The following KCNN2 variants were observed in gnomAD, a reference collection of about 807,000 sequenced individuals.
KCNN2 encodes the protein potassium calcium-activated channel subfamily N member 2.
A neutral mutation model predicts 55.5 loss-of-function variants in KCNN2; 24 were observed. The observed-to-expected ratio is 0.43, with a 90% CI of 0.31 to 0.61. The LOEUF is 0.61. Among genes scored for constraint, KCNN2 ranks in the 20% least tolerant of loss-of-function variants. The probability of loss-of-function intolerance (pLI) is 0.08; values close to 1 mark genes in which losing one functional copy is unlikely to be tolerated. For missense variants in KCNN2, 754 were observed against 853.6 expected, an observed-to-expected ratio of 0.88 and a Z score of 1.45; for synonymous variants, 431 against 336.1, an observed-to-expected ratio of 1.28 and a Z score of -3.09.
intron 5 of KCNN2, among the ~76,000 whole-genome samples, chr5:114,478,142 G>A (rs1580901641): frequency 6.6e-6 from 1 of 152,274 alleles, no homozygotes; most frequent in African/African-American, 2.4e-5. Flanking sequence ...CTGCAAGGGT[G>A]GTTGAGAGCA....
chr5:114,145,260 A>G (rs1580554699), intron 1 of KCNN2, among the ~76,000 whole-genome samples: 3 of 152,250 alleles, frequency 2.0e-5, no homozygotes, highest in East Asian at 3.9e-4. Context: ...ATCATTAGTA[A>G]TATGACCTTT....
chr5:114,229,817 A>G (rs1754319690), intron 2 of KCNN2, among the ~76,000 whole-genome samples: 1 of 152,204 alleles, frequency 6.6e-6, no homozygotes, highest in South Asian at 2.1e-4. Flanking sequence ...TGAAAATGGG[A>G]CAAAGAGAAA....
chr5:114,112,868 G>A (rs1751629555), intron 1 of KCNN2, among the ~76,000 whole-genome samples: 1 of 151,992 alleles, frequency 6.6e-6, no homozygotes, highest in African/African-American at 2.4e-5. Context: ...CATGCTAATG[G>A]GATCTTTTTG....
chr5:114,480,130 A>G (rs977140079), intron 5 of KCNN2, among the ~76,000 whole-genome samples: 1 of 152,158 alleles, frequency 6.6e-6, no homozygotes, highest in Non-Finnish European at 1.5e-5. Flanking sequence ...TAGATAGACA[A>G]AGAAGAAAAG....
In KCNN2 at chr5:114,201,995, A is replaced by T. The variant is rs1753681757; in HGVS notation, c.-270-19485A>T. On this transcript the variant is annotated intron_variant, in intron 1 of 10. Transcript: ENST00000512097. ...GCAGCATGGGCAAGAAGCTGTGGGG[A>T]GTGTGATGCTCATGTCTCAGTCTCA... Among the ~76,000 whole-genome samples, 3 of 152,056 alleles carry T rather than the reference A, an allele frequency of 2.0e-5. 1 individual carries two copies. In the South Asian group the frequency reaches 6.2e-4, roughly 32 times the overall value.
At chr5:114,187,506 CT>C (rs34325633) in intron 1 of KCNN2, among the ~76,000 whole-genome samples, 34,630 of 126,058 alleles carry the variant, frequency 0.27, 4,200 homozygotes, top group East Asian at 0.67. Context: ...GTATCTCTGG[CT>C]TTTTTTTTTT....
chr5:114,488,540 TAACCCAG>T (rs748358233), intron 6 of KCNN2, among the ~76,000 whole-genome samples: 5 of 152,174 alleles, frequency 3.3e-5, no homozygotes, highest in Non-Finnish European at 7.4e-5. Flanking sequence ...GTTACCCTTA[TAACCCAG>T]AACCACCATC....
intron 2 of KCNN2, among the ~76,000 whole-genome samples, chr5:114,393,008 T>C (rs1301441455): frequency 1.3e-5 from 2 of 152,098 alleles, no homozygotes; most frequent in African/African-American, 4.8e-5. Context: ...AAGCACCATA[T>C]ACTGTTCCAT....
intron 2 of KCNN2, among the ~76,000 whole-genome samples, chr5:114,262,395 A>G (rs1168089769): frequency 2.6e-5 from 4 of 152,316 alleles, no homozygotes; most frequent in African/African-American, 9.6e-5. Context: ...AATCGCAGTT[A>G]AAACACAAGA....
intron 1 of KCNN2, among the ~76,000 whole-genome samples, chr5:114,200,155 T>C (rs1753643436): frequency 6.6e-6 from 1 of 152,172 alleles, no homozygotes; most frequent in South Asian, 2.1e-4. Context: ...TTGGTCACTT[T>C]ATGTAGTCCC....
At chr5:114,107,269 A>C (rs1379875735) in intron 1 of KCNN2, among the ~76,000 whole-genome samples, 1 of 150,596 alleles carries the variant, frequency 6.6e-6, no homozygotes, top group African/African-American at 2.4e-5. Context: ...TTTTTGAGCC[A>C]GTACCATAGT....
At chr5:114,266,578 G>T (rs1755210839) in intron 2 of KCNN2, among the ~76,000 whole-genome samples, 1 of 152,090 alleles carries the variant, frequency 6.6e-6, no homozygotes. Flanking sequence ...GGGCAGCCCT[G>T]CTCCTAGCTA....
At chr5:114,084,670 G>T (rs1350969840) in intron 1 of KCNN2, among the ~76,000 whole-genome samples, 1 of 151,838 alleles carries the variant, frequency 6.6e-6, no homozygotes, top group Non-Finnish European at 1.5e-5. Flanking sequence ...TAATTTTAAT[G>T]AAGTGCTACT....
intron 2 of KCNN2, among the ~76,000 whole-genome samples, chr5:114,273,845 T>C (rs1480624038): frequency 6.6e-6 from 1 of 152,244 alleles, no homozygotes; most frequent in Non-Finnish European, 1.5e-5. Flanking sequence ...AGAAGCTCTT[T>C]AGATTAATTA....
At chr5:114,363,442 A>AC (rs1457431526) in intron 1 of KCNN2, among the ~76,000 whole-genome samples, 181 bp downstream of exon 1, 1 of 152,184 alleles carries the variant, frequency 6.6e-6, no homozygotes, top group African/African-American at 2.4e-5. Flanking sequence ...TCGGAGATGA[A>AC]CCCTTTCCGC....
intron 3 of KCNN2, among the ~76,000 whole-genome samples, chr5:114,456,052 G>A (rs1760909561): frequency 6.6e-6 from 1 of 152,162 alleles, no homozygotes; most frequent in South Asian, 2.1e-4. Context: ...CGTTGAAGGT[G>A]GCTACAATAA....
intron 1 of KCNN2, among the ~76,000 whole-genome samples, chr5:114,158,152 C>G (rs1580569213): frequency 6.6e-6 from 1 of 151,976 alleles, no homozygotes; most frequent in African/African-American, 2.4e-5. Flanking sequence ...ACATGTAAGT[C>G]TTTAATCCAT....
chr5:114,187,692 G>A (rs1753366170), intron 1 of KCNN2, among the ~76,000 whole-genome samples: 1 of 151,162 alleles, frequency 6.6e-6, no homozygotes, highest in Non-Finnish European at 1.5e-5. Flanking sequence ...ATTTTTAGGG[G>A]AGATGGGTTT....
At chr5:114,158,882 A>T (rs1273300516) in intron 1 of KCNN2, among the ~76,000 whole-genome samples, 1 of 152,204 alleles carries the variant, frequency 6.6e-6, no homozygotes, top group Non-Finnish European at 1.5e-5. Flanking sequence ...GAAGTTGCTT[A>T]TCAGTTTAAG....
Sources: gnomAD v4.1 joint callset for allele counts (sites outside exome capture counted in the v4.1 genomes callset) on GRCh38, gnomAD v4.1.1 for gene constraint, MANE v1.5 for transcripts, NCBI Gene and HGNC (gene_info 2026-07-23, HGNC 2026-07-21) for gene names.